Variants in TLN2 observed in about 807,000 individuals in gnomAD.
TLN2 encodes the protein talin 2.
A neutral mutation model predicts 294.7 loss-of-function variants in TLN2; 118 were observed. The ratio of observed to expected loss-of-function variants is 0.40; its 90% confidence interval spans 0.34 to 0.47. The LOEUF is 0.47. TLN2 is among the 20% of genes least tolerant of loss of function. TLN2 has a pLI of 0.84. For missense variants in TLN2, 3,083 were observed against 3,282.2 expected (o/e 0.94, Z 1.48); for synonymous variants, 1,431 against 1,304.5 (o/e 1.10, Z -2.09).
chr15:62,738,166 G>T, intron 29 of TLN2, 48 bp from the exon 30 acceptor site: 1 of 1,603,776 alleles, frequency 6.2e-7, no homozygotes, highest in South Asian at 1.1e-5. Context: ...CAACAAATGT[G>T]CAGAAATGTT....
chr15:62,534,162 T>G (rs1428347882), intron 1 of TLN2, among the ~76,000 whole-genome samples: 4 of 152,236 alleles, frequency 2.6e-5, no homozygotes, highest in Admixed American at 6.5e-5. Context: ...CCCCACATAC[T>G]CACCAAGCAA....
intron 52 of TLN2, among the ~76,000 whole-genome samples, chr15:62,812,936 G>T (rs952128097): frequency 2.0e-5 from 3 of 152,166 alleles, no homozygotes; most frequent in African/African-American, 7.2e-5. Flanking sequence ...CCACCCAGTC[G>T]CTATGTCAAC....
chr15:62,760,946 C>T (rs894314150), intron 37 of TLN2, among the ~76,000 whole-genome samples: 3 of 152,150 alleles, frequency 2.0e-5, no homozygotes, highest in Admixed American at 6.5e-5. Flanking sequence ...CAGAAGCTTT[C>T]CTTATGCTCT....
chr15:62,784,054 C>G, intron 45 of TLN2, 164 bp downstream of exon 45: 1 of 1,233,516 alleles, frequency 8.1e-7, no homozygotes, highest in Non-Finnish European at 1.1e-6. Flanking sequence ...CCAGGTAGCC[C>G]CAGGCTGTAC....
At chr15:62,606,071 A>G (rs1013583923) in intron 2 of TLN2, among the ~76,000 whole-genome samples, 1 of 151,950 alleles carries the variant, frequency 6.6e-6, no homozygotes, top group African/African-American at 2.4e-5. Context: ...AGTGTTTACC[A>G]TTTCAAAAAG....
intron 3 of TLN2, chr15:62,638,509 T>C (rs1392029173): frequency 1.1e-5 from 5 of 455,884 alleles, no homozygotes; most frequent in Non-Finnish European, 1.8e-5. Context: ...TAATGAACCG[T>C]GTGCATACCC....
At chr15:62,449,013 G>A (rs2035966037) in intron 1 of TLN2, among the ~76,000 whole-genome samples, 1 of 152,098 alleles carries the variant, frequency 6.6e-6, no homozygotes, top group African/African-American at 2.4e-5. Context: ...CAGTTTTAGG[G>A]GGAAATGAGC....
At chr15:62,784,107 G>A in intron 45 of TLN2, 1 of 709,382 alleles carries the variant, frequency 1.4e-6, no homozygotes, top group Non-Finnish European at 2.2e-6. Flanking sequence ...GCCAAGAACT[G>A]GGGCATGGGC....
intron 1 of TLN2, among the ~76,000 whole-genome samples, chr15:62,394,702 G>T (rs1451358788): frequency 6.6e-6 from 1 of 152,196 alleles, no homozygotes; most frequent in Non-Finnish European, 1.5e-5. Context: ...GAAAGGCAAA[G>T]AAGTCAGGGT....
chr15:62,687,726 AAAG>A (rs1343409390), intron 12 of TLN2: 1 of 152,196 alleles, frequency 6.6e-6, no homozygotes, highest in Non-Finnish European at 1.5e-5. Context: ...AAAACTGTGT[AAAG>A]AAGGGGCCAT....
At chr15:62,662,159 T>C (rs952744536) in intron 9 of TLN2, among the ~76,000 whole-genome samples, 1 of 149,634 alleles carries the variant, frequency 6.7e-6, no homozygotes, top group Non-Finnish European at 1.5e-5. Context: ...TTAATAAACC[T>C]TGGGTAAATT....
At chr15:62,608,693 A>G (rs921214192) in intron 2 of TLN2, among the ~76,000 whole-genome samples, 4 of 152,082 alleles carry the variant, frequency 2.6e-5, no homozygotes, top group Non-Finnish European at 2.9e-5. Flanking sequence ...ATTTTTGAAT[A>G]AGAGGAATTT....
chr15:62,454,974 T>TC (rs1185724938), intron 1 of TLN2, among the ~76,000 whole-genome samples: 1 of 151,660 alleles, frequency 6.6e-6, no homozygotes, highest in Non-Finnish European at 1.5e-5. Context: ...TCACTTTTCC[T>TC]CCCCCCGGGG....
At chr15:62,815,229 A>ACACT (rs1162564551) in intron 52 of TLN2, among the ~76,000 whole-genome samples, 4 of 121,860 alleles carry the variant, frequency 3.3e-5, no homozygotes, top group African/African-American at 1.3e-4. Flanking sequence ...ACACACACAC[A>ACACT]CACTCACTCG....
chr15:62,484,768 C>T (rs1406625195), intron 1 of TLN2, among the ~76,000 whole-genome samples: 1 of 152,098 alleles, frequency 6.6e-6, no homozygotes, highest in Non-Finnish European at 1.5e-5. Context: ...TTTGTGGGGC[C>T]AAGAGTGGAC....
At chr15:62,793,420 G>C (rs1407298828) in intron 46 of TLN2, among the ~76,000 whole-genome samples, 4 of 152,200 alleles carry the variant, frequency 2.6e-5, no homozygotes, top group Non-Finnish European at 5.9e-5. Context: ...TCCACAACTT[G>C]ATTTCCTCAT....
At chr15:62,460,813 C>G (rs1468943309) in intron 1 of TLN2, among the ~76,000 whole-genome samples, 2 of 152,196 alleles carry the variant, frequency 1.3e-5, no homozygotes, top group African/African-American at 2.4e-5. Context: ...CTGAACTCAC[C>G]TGTGTAACCT....
chr15:62,602,544 G>C (rs1401620780), intron 2 of TLN2, among the ~76,000 whole-genome samples: 1 of 152,176 alleles, frequency 6.6e-6, no homozygotes, highest in Non-Finnish European at 1.5e-5. Context: ...GCTATAAACG[G>C]AGTGGCCTAT....
At chr15:62,757,200 G>A (rs1242393328) in intron 37 of TLN2, among the ~76,000 whole-genome samples, 2 of 152,244 alleles carry the variant, frequency 1.3e-5, no homozygotes, top group South Asian at 2.1e-4. Context: ...CAGCCAGGAA[G>A]TGGTGGGGCA....
Sources: allele counts gnomAD v4.1 joint callset (sites outside exome capture counted in the v4.1 genomes callset), GRCh38; gene constraint gnomAD v4.1.1; transcripts MANE v1.5; gene names NCBI Gene and HGNC (gene_info 2026-07-23, HGNC 2026-07-21).